The following RSPRY1 variants were observed in gnomAD, a reference collection of about 807,000 sequenced individuals.
The protein encoded by RSPRY1 is ring finger and SPRY domain containing 1.
Under a neutral mutation model 73.1 loss-of-function variants are expected in RSPRY1, and 23 were observed. The ratio of observed to expected loss-of-function variants is 0.31; its 90% CI spans 0.23 to 0.45. The LOEUF (loss-of-function observed/expected upper bound fraction) is 0.45. RSPRY1 is among the 20% of genes least tolerant of loss of function. The pLI is 1.00. For missense variants in RSPRY1, 448 were observed against 698.7 expected, an observed-to-expected ratio of 0.64 and a Z score of 4.05; for synonymous variants, 226 against 251.4, an observed-to-expected ratio of 0.90 and a Z score of 0.95.
Position 57,208,111 on chromosome 16 carries a change from G to C in RSPRY1, c.403+1G>C. ...ACATTACACGAAATGGCAGAAACAGGTATTTTTAGTTTTGTTTTCATTACT... is the reference window on the plus strand; with the variant it reads ...ACATTACACGAAATGGCAGAAACAGCTATTTTTAGTTTTGTTTTCATTACT... On this transcript the variant is annotated splice_donor_variant, in intron 3 of 14. Transcript: ENST00000394420. LOFTEE classifies it high-confidence loss of function. 1 of 1,559,144 alleles carries C rather than the reference G, an allele frequency of 6.4e-7. No individual in the cohort carries two copies. The highest frequency in any genetic ancestry group is 8.8e-7 in the Non-Finnish European group (1 of 1,141,764).
Position 57,209,103 on chromosome 16 carries a change from TTTAA to T in RSPRY1, c.436_439del (p.Ile146GlufsTer14). On this transcript the variant is annotated frameshift_variant, in exon 4 of 15. Transcript: ENST00000394420. LOFTEE classifies it high-confidence loss of function. ...AAGGATGGTTGGATGTTGTCCAGTC[TTTAA>T]TTAGAGTTATTCCACTGGAAGATCC... The T allele has an allele frequency of 6.2e-7, 1 of 1,612,912 alleles. No individual in the cohort carries two copies. The highest frequency in any genetic ancestry group is 8.5e-7 in the Non-Finnish European group (1 of 1,179,216).
chr16:57,203,261 A>G (rs2074659458), intron 1 of RSPRY1, among the ~76,000 whole-genome samples: 1 of 152,152 alleles, frequency 6.6e-6, no homozygotes, highest in African/African-American at 2.4e-5. Context: ...ATACCACTGC[A>G]CTCCAGCCTG....
In RSPRY1 at chr16:57,218,693, C is replaced by G. The variant is rs1353284141; in HGVS notation, c.901+1658C>G. Among the ~76,000 whole-genome samples the G allele has an allele frequency of 8.4e-5, 11 of 130,406 alleles. No homozygotes were observed. The South Asian group carries it at 2.0e-3, about 24-fold the overall frequency. 85.6% of individuals were successfully genotyped at this position (130,406 alleles called of 152,430 possible). On this transcript the variant is annotated intron_variant, in intron 8 of 14. Coordinates refer to ENST00000394420, the MANE Select transcript of RSPRY1 (RefSeq NM_133368.3). Reference sequence around the variant, plus strand: ...CATTCTTTTTTGTGGCTGAACAGTACTCCATTTTGTATATGTGCCACATTT... The same window carrying G: ...CATTCTTTTTTGTGGCTGAACAGTAGTCCATTTTGTATATGTGCCACATTT...
chr16:57,206,990 C>T (rs1176023199), intron 2 of RSPRY1, among the ~76,000 whole-genome samples: 8 of 152,148 alleles, frequency 5.3e-5, no homozygotes, highest in Admixed American at 4.6e-4. Context: ...ACAGAGTATT[C>T]CCTTGTATGC....
At chr16:57,207,574 C>G in intron 2 of RSPRY1, 1 of 456,020 alleles carries the variant, frequency 2.2e-6, no homozygotes, top group South Asian at 1.5e-5. Flanking sequence ...GAAGTCTAAG[C>G]ATGTAGTGGT....
At chr16:57,201,296 G>T (rs1459265585) in intron 1 of RSPRY1, among the ~76,000 whole-genome samples, 6 of 151,680 alleles carry the variant, frequency 4.0e-5, no homozygotes, top group Admixed American at 1.3e-4. Flanking sequence ...CGGTTGCCAG[G>T]CAGAGGGTCT....
chr16:57,187,489 A>G (rs548687040), intron 1 of RSPRY1, among the ~76,000 whole-genome samples: 9 of 152,260 alleles, frequency 5.9e-5, no homozygotes, highest in Non-Finnish European at 1.3e-4. Flanking sequence ...CCCTTTACCT[A>G]CCATCTGTTC....
chr16:57,232,422 G>C (rs2075237931), intron 13 of RSPRY1, among the ~76,000 whole-genome samples: 1 of 152,192 alleles, frequency 6.6e-6, no homozygotes, highest in South Asian at 2.1e-4. Flanking sequence ...TCAGGGTTCT[G>C]AGGTTAATTC....
intron 1 of RSPRY1, among the ~76,000 whole-genome samples, chr16:57,198,799 C>T (rs550087063): frequency 2.0e-5 from 3 of 152,354 alleles, no homozygotes; most frequent in African/African-American, 7.2e-5. Flanking sequence ...TCCCATCCCA[C>T]CTTCATACAG....
At chr16:57,223,062 C>G (rs2075064856) in intron 10 of RSPRY1, among the ~76,000 whole-genome samples, 1 of 152,160 alleles carries the variant, frequency 6.6e-6, no homozygotes, top group African/African-American at 2.4e-5. Context: ...TTCCCTGATC[C>G]AAGCATTAGG....
At chr16:57,212,835 G>C (rs140569775) in intron 4 of RSPRY1, 137 bp from the exon 5 acceptor site, 1 of 759,094 alleles carries the variant, frequency 1.3e-6, no homozygotes, top group Admixed American at 2.8e-5. Context: ...GGCTGGTGTC[G>C]AACTCTTGAC....
chr16:57,206,747 G>C (rs984797006), intron 2 of RSPRY1, among the ~76,000 whole-genome samples: 1 of 151,904 alleles, frequency 6.6e-6, no homozygotes, highest in African/African-American at 2.4e-5. Context: ...AAAAGTTTTT[G>C]TAGAGCCAGG....
intron 14 of RSPRY1, among the ~76,000 whole-genome samples, chr16:57,235,668 C>T (rs1196207974): frequency 2.0e-5 from 3 of 152,168 alleles, no homozygotes; most frequent in Non-Finnish European, 1.5e-5. Flanking sequence ...AGATGGTCCC[C>T]AGGAAGGCTA....
At chr16:57,236,150 C>T (rs2075296834) in intron 14 of RSPRY1, among the ~76,000 whole-genome samples, 1 of 152,316 alleles carries the variant, frequency 6.6e-6, no homozygotes, top group African/African-American at 2.4e-5. Flanking sequence ...CAGGGCCTCA[C>T]AGACAGATGC....
At chr16:57,213,991 GGGC>G in intron 6 of RSPRY1, 45 bp downstream of exon 6, 12 of 1,293,766 alleles carry the variant, frequency 9.3e-6, no homozygotes, top group Non-Finnish European at 1.2e-5. Flanking sequence ...ATCTAGAAGT[GGGC>G]ATCATCTAGA....
rs551605738 is a variant in RSPRY1 at position 57,204,846 on chromosome 16, C to T, written c.188C>T (p.Ala63Val). The change falls in exon 2 of 15, where the codon GCC becomes GTC. Residue 63 changes from alanine (A) to valine (V), a missense_variant. By Grantham distance (64) the Ala-to-Val change is moderately conservative. Transcript: ENST00000394420. ...DDSVDTQQQQAENSAVPTADT... is the reference protein window; with the variant it reads ...DDSVDTQQQQVENSAVPTADT... Reference sequence around the variant, plus strand: ...AGTGTTGACACCCAACAGCAACAGGCCGAGAACAGTGCAGTACCCACTGCT... The same window carrying T: ...AGTGTTGACACCCAACAGCAACAGGTCGAGAACAGTGCAGTACCCACTGCT... 8.1e-6 allele frequency: 13 copies of T among 1,614,182 alleles called. No individual in the cohort carries two copies. Among genetic ancestry groups the T allele is most frequent in the Middle Eastern group, 1.6e-4 (1 of 6,062 alleles).
At chr16:57,204,124 A>C (rs1438784553) in intron 1 of RSPRY1, among the ~76,000 whole-genome samples, 1 of 152,178 alleles carries the variant, frequency 6.6e-6, no homozygotes, top group African/African-American at 2.4e-5. Flanking sequence ...TCTTTTTAAC[A>C]CCTACCTCTT....
chr16:57,197,572 A>G (rs1223076591), intron 1 of RSPRY1, among the ~76,000 whole-genome samples: 5 of 152,120 alleles, frequency 3.3e-5, no homozygotes, highest in Non-Finnish European at 5.9e-5. Context: ...TTCTCTGACA[A>G]ATTTTATAGT....
chr16:57,206,659 C>G (rs966125789), intron 2 of RSPRY1, among the ~76,000 whole-genome samples: 7 of 152,110 alleles, frequency 4.6e-5, no homozygotes, highest in African/African-American at 1.7e-4. Flanking sequence ...GCCTCCTGGA[C>G]TCAAACCATC....
Sources: allele counts gnomAD v4.1 joint callset (sites outside exome capture counted in the v4.1 genomes callset), GRCh38; gene constraint gnomAD v4.1.1; transcripts MANE v1.5; gene names NCBI Gene and HGNC (gene_info 2026-07-23, HGNC 2026-07-21).